Variants in ADNP2 observed in about 807,000 individuals in gnomAD.
ADNP2 encodes activity-dependent neuroprotector homeobox protein 2.
Under a neutral mutation model 16.4 loss-of-function variants are expected in ADNP2, and 8 were observed. The observed-to-expected ratio is 0.49, with a 90% CI of 0.29 to 0.88. The LOEUF is 0.88. Among genes scored for constraint, ADNP2 ranks in the 40% least tolerant of loss-of-function variants. The pLI is 0.09. For synonymous variants in ADNP2, 637 were observed against 545.8 expected (o/e 1.17, Z -2.33); for missense variants, 1,397 against 1,395.1 (o/e 1.00, Z -0.02).
At chr18:80,124,227 C>T (rs1309495425) in intron 2 of ADNP2, among the ~76,000 whole-genome samples, 1 of 152,194 alleles carries the variant, frequency 6.6e-6, no homozygotes, top group Non-Finnish European at 1.5e-5. Flanking sequence ...TGTTTGTTCA[C>T]ATACAGTTGT....
At chr18:80,132,017 G>C (rs2052500124) in intron 2 of ADNP2, among the ~76,000 whole-genome samples, 1 of 152,184 alleles carries the variant, frequency 6.6e-6, no homozygotes, top group African/African-American at 2.4e-5. Context: ...TTACTTTGAA[G>C]TACTTTTTTG....
chr18:80,137,591 A>G lies in ADNP2; in HGVS notation c.2178A>G (p.Lys726=), dbSNP rs768041415. The G allele has an allele frequency of 1.9e-6, 3 of 1,614,238 alleles. No individual in the cohort carries two copies. Among genetic ancestry groups the G allele is most frequent in the Admixed American group, 3.3e-5 (2 of 60,030 alleles). ...HKHSESKSGE[K]LEPEKLAACA... ...ACAGCGAGTCCAAGTCTGGTGAGAA[A>G]CTTGAGCCTGAAAAACTGGCAGCGT... Residue 726 remains lysine (K), a synonymous_variant, in exon 4 of 4, where the codon AAA becomes AAG. Transcript: ENST00000262198. The surrounding 1 kb of genome is among the most constrained non-coding windows in gnomAD (Gnocchi z 4.2).
chr18:80,120,475 G>T (rs2052417303), intron 2 of ADNP2, among the ~76,000 whole-genome samples: 1 of 151,816 alleles, frequency 6.6e-6, no homozygotes, highest in African/African-American at 2.4e-5. Flanking sequence ...GGCACTATAG[G>T]TGCATACCAC....
Position 80,129,251 on chromosome 18 carries a change from C to T in ADNP2, c.109-3852C>T, listed in dbSNP as rs375618682. Reference sequence around the variant, plus strand: ...CCCATGTAGCTGGGATTACGAGCACCCGCCACCACGCCCAGCTAGTTTTTG... The same window carrying T: ...CCCATGTAGCTGGGATTACGAGCACTCGCCACCACGCCCAGCTAGTTTTTG... On this transcript the variant is annotated intron_variant, in intron 2 of 3. Coordinates refer to ENST00000262198, the MANE Select transcript of ADNP2 (RefSeq NM_014913.4). Among the ~76,000 whole-genome samples the T allele has an allele frequency of 3.2e-4, 48 of 151,790 alleles. No homozygotes were observed. In the South Asian group the frequency reaches 3.8e-3, roughly 12 times the overall value.
chr18:80,122,925 TATG>T (rs929684134), intron 2 of ADNP2, among the ~76,000 whole-genome samples: 1 of 152,216 alleles, frequency 6.6e-6, no homozygotes, highest in Non-Finnish European at 1.5e-5. Flanking sequence ...TACCGTTGAA[TATG>T]ATGTTAATGG....
intron 2 of ADNP2, among the ~76,000 whole-genome samples, chr18:80,120,245 C>T (rs2052415642): frequency 6.6e-6 from 1 of 152,154 alleles, no homozygotes; most frequent in South Asian, 2.1e-4. Flanking sequence ...CGATGGTTAC[C>T]ACTGAGCATT....
In ADNP2 at chr18:80,138,536, A is replaced by G. The variant is rs1438111444; in HGVS notation, c.3123A>G (p.Leu1041=). 5.0e-6 allele frequency: 8 copies of G among 1,613,720 alleles called. No homozygotes were observed. The highest frequency in any genetic ancestry group is 5.9e-6 in the Non-Finnish European group (7 of 1,179,968). ...ACGAGGCTCTTCAGATTTTAGCATT[A>G]GATCCTAAAAAATATGAAGGCCGTT... ...VKDEALQILA[L]DPKKYEGRSY... Residue 1041 remains leucine, a synonymous_variant, in exon 4 of 4, where the codon TTA becomes TTG. Transcript: ENST00000262198.
intron 2 of ADNP2, among the ~76,000 whole-genome samples, chr18:80,119,696 A>G (rs2052412373): frequency 6.6e-6 from 1 of 152,244 alleles, no homozygotes; most frequent in Non-Finnish European, 1.5e-5. Flanking sequence ...AATATTTTCT[A>G]AACTATATCT....
In ADNP2 at chr18:80,138,148, C is replaced by G. The variant is rs753508145; in HGVS notation, c.2735C>G (p.Ala912Gly). The change falls in exon 4 of 4, where the codon GCC (alanine) becomes GGC (glycine). Residue 912 changes from alanine (A) to glycine (G), a missense_variant. Ala to Gly is a moderately conservative substitution (Grantham distance 60, BLOSUM62 0). Transcript: ENST00000262198. ...GTCCACACGGTCCTGAAGTCTCCCG[C>G]CTTCAAGTGCATCCACTGCTGTGGG... Reference protein sequence around the residue: ...PTVHTVLKSPAFKCIHCCGVY... With the variant: ...PTVHTVLKSPGFKCIHCCGVY... The G allele has an allele frequency of 6.2e-7, 1 of 1,614,112 alleles. No individual in the cohort carries two copies. The highest frequency in any genetic ancestry group is 1.1e-5 in the South Asian group (1 of 91,082).
intron 2 of ADNP2, among the ~76,000 whole-genome samples, chr18:80,118,315 C>G (rs957731209): frequency 7.2e-5 from 11 of 151,966 alleles, no homozygotes; most frequent in Non-Finnish European, 1.6e-4. Context: ...GTAGTTGCAG[C>G]TACTCAGGAG....
intron 2 of ADNP2, among the ~76,000 whole-genome samples, chr18:80,118,275 T>G (rs1400477142): frequency 6.6e-6 from 1 of 151,790 alleles, no homozygotes; most frequent in Non-Finnish European, 1.5e-5. Flanking sequence ...TGAAAATACA[T>G]AAATTAGCTG....
Position 80,138,794 on chromosome 18 carries a change from T to C in ADNP2, c.3381T>C (p.Phe1127=). 6.5e-7 allele frequency: 1 copy of C among 1,534,976 alleles called. No individual in the cohort carries two copies. The highest frequency in any genetic ancestry group is 1.3e-5 in the South Asian group (1 of 79,880). ...AAAATGTGAAACATAGATTGAACTT[T>C]GAATATGAACCATAAAACTTGCAAA... ...ELKNVKHRLN[F]EYEP Residue 1127 remains phenylalanine (F), a synonymous_variant, in exon 4 of 4, where the codon TTT becomes TTC. Coordinates refer to ENST00000262198, the MANE Select transcript of ADNP2 (RefSeq NM_014913.4).
At chr18:80,117,256 T>C (rs2052395169) in intron 1 of ADNP2, among the ~76,000 whole-genome samples, 1 of 152,210 alleles carries the variant, frequency 6.6e-6, no homozygotes, top group Non-Finnish European at 1.5e-5. Flanking sequence ...TTGCCGAATC[T>C]AAGGTCATCA....
intron 2 of ADNP2, among the ~76,000 whole-genome samples, chr18:80,127,024 A>G (rs2052463614): frequency 6.6e-6 from 1 of 152,234 alleles, no homozygotes; most frequent in Admixed American, 6.5e-5. Context: ...TGAGCACAGG[A>G]TGTAAGATAC....
At chr18:80,131,166 G>T (rs2052493589) in intron 2 of ADNP2, among the ~76,000 whole-genome samples, 1 of 152,138 alleles carries the variant, frequency 6.6e-6, no homozygotes, top group Non-Finnish European at 1.5e-5. Flanking sequence ...CTGCTGCTGT[G>T]GGAGGTCTCG....
chr18:80,139,286 T>A lies in ADNP2; in HGVS notation c.*477T>A, dbSNP rs1364278002. 6.5e-6 allele frequency: 1 copy of A among 152,822 alleles called. No homozygotes were observed. The highest frequency in any genetic ancestry group is 2.4e-5 in the African/African-American group (1 of 41,480). The allele number at this position is 152,822 out of a possible 1,614,324, so 9.5% of individuals were successfully genotyped here. A position where few individuals can be genotyped will look rare whatever the true frequency, so the allele number is the denominator to read the frequency against. The stretch of plus-strand genomic sequence containing the variant: ...AGACGTGGGTACAAACCCTGTGATG[T>A]ATGTATAAGGCTCCCTGAGGATGCA... On this transcript the variant is annotated 3_prime_UTR_variant, in exon 4 of 4. Coordinates refer to ENST00000262198, the MANE Select transcript of ADNP2 (RefSeq NM_014913.4).
Position 80,136,453 on chromosome 18 carries a change from T to C in ADNP2, c.1040T>C (p.Leu347Pro), listed in dbSNP as rs771219019. ...CCTGTGGGCCAGAACAGCCTCACCCTGCAGCCCCCAGCACCTCAGCCCGTC... is the reference window on the plus strand; with the variant it reads ...CCTGTGGGCCAGAACAGCCTCACCCCGCAGCCCCCAGCACCTCAGCCCGTC... ...PLPVGQNSLT[L>P]QPPAPQPVFL... is the part of the protein sequence containing the mutation. Residue 347 changes from leucine to proline, a missense_variant, in exon 4 of 4, where the codon CTG (leucine) becomes CCG (proline). By Grantham distance (98) the Leu-to-Pro change is moderately conservative. Coordinates refer to ENST00000262198, the MANE Select transcript of ADNP2 (RefSeq NM_014913.4). 39 of 1,614,050 alleles carry C rather than the reference T, an allele frequency of 2.4e-5. No homozygotes were observed. The highest frequency in any genetic ancestry group is 3.1e-5 in the Non-Finnish European group (37 of 1,179,982).
chr18:80,125,982 G>A (rs1031791050), intron 2 of ADNP2, among the ~76,000 whole-genome samples: 1 of 152,064 alleles, frequency 6.6e-6, no homozygotes, highest in Non-Finnish European at 1.5e-5. Flanking sequence ...TACAGAAGAA[G>A]TTTGCCAGTC....
In ADNP2 at chr18:80,136,799, T is replaced by G. The variant is rs761114918; in HGVS notation, c.1386T>G (p.Pro462=). ...GQMTPAGQMT[P]AGVIPGQTAT... is the part of the protein sequence containing the mutation. ...TGACTCCTGCAGGCCAGATGACTCC[T>G]GCAGGGGTTATCCCTGGGCAAACAG... The change falls in exon 4 of 4, where the codon CCT becomes CCG. Residue 462 remains proline (P), a synonymous_variant. Transcript: ENST00000262198. 1.2e-6 allele frequency: 2 copies of G among 1,612,030 alleles called. No individual in the cohort carries two copies. Among genetic ancestry groups the G allele is most frequent in the South Asian group, 2.2e-5 (2 of 90,794 alleles).
Sources: gnomAD v4.1 joint callset for allele counts (sites outside exome capture counted in the v4.1 genomes callset) on GRCh38, gnomAD v4.1.1 for gene constraint, Gnocchi (gnomAD v3.1) non-coding constraint, MANE v1.5 for transcripts, NCBI Gene and HGNC (gene_info 2026-07-23, HGNC 2026-07-21) for gene names.